Variants in SIRT4 observed in about 807,000 individuals in gnomAD.
SIRT4 encodes the protein NAD-dependent protein lipoamidase sirtuin-4, mitochondrial.
Under a neutral mutation model 26.1 loss-of-function variants are expected in SIRT4, and 23 were observed. The ratio of observed to expected loss-of-function variants is 0.88; its 90% CI spans 0.63 to 1.25. The LOEUF (loss-of-function observed/expected upper bound fraction) is 1.25, where lower values mean the gene tolerates loss of function less well. Among genes scored for constraint, SIRT4 ranks in the 50% most tolerant of loss-of-function variants. SIRT4 has a pLI of 0.00. For missense variants in SIRT4, 361 were observed against 405.4 expected, an observed-to-expected ratio of 0.89 and a Z score of 0.94; for synonymous variants, 155 against 158.4, an observed-to-expected ratio of 0.98 and a Z score of 0.16.
chr12:120,298,123 G>A (rs1199384423), upstream of SIRT4, among the ~76,000 whole-genome samples: 11 of 149,104 alleles, frequency 7.4e-5, no homozygotes, highest in Admixed American at 2.0e-4. Context: ...TTGAACCCGG[G>A]AGGCGGAGGT....
intron 2 of SIRT4, among the ~76,000 whole-genome samples, chr12:120,311,048 T>TA (rs761606021): frequency 0.017 from 1,177 of 69,302 alleles, 61 homozygotes; most frequent in East Asian, 0.05. Context: ...CCCTGTCTCT[T>TA]AAAAAAAAAA....
At chr12:120,299,147 G>A (rs1872452088), upstream of SIRT4, among the ~76,000 whole-genome samples, 2 of 150,954 alleles carry the variant, frequency 1.3e-5, no homozygotes, top group Admixed American at 6.6e-5. Context: ...CGTGAACCCG[G>A]GAGGCGGAGC....
intron 2 of SIRT4, among the ~76,000 whole-genome samples, chr12:120,310,196 G>A (rs1050582026): frequency 3.3e-5 from 5 of 151,656 alleles, no homozygotes; most frequent in South Asian, 4.2e-4. Context: ...TTGGGAGGCC[G>A]AGGTGGGCAG....
At chr12:120,311,048 TAA>T (rs761606021) in intron 2 of SIRT4, among the ~76,000 whole-genome samples, 533 of 69,278 alleles carry the variant, frequency 7.7e-3, no homozygotes, top group East Asian at 0.014. Context: ...CCCTGTCTCT[TAA>T]AAAAAAAAAA....
Position 120,312,979 on chromosome 12 carries a change from GT to G in SIRT4, c.889del (p.Cys297ValfsTer2), listed in dbSNP as rs1565873386. 1.2e-6 allele frequency: 2 copies of G among 1,614,158 alleles called. No individual in the cohort carries two copies. The highest frequency in any genetic ancestry group is 2.2e-5 in the South Asian group (2 of 91,080). On this transcript the variant is annotated frameshift_variant, in exon 4 of 4. Transcript: ENST00000202967. LOFTEE classifies it high-confidence loss of function. The part of the protein sequence containing the change: ...IGPTRSDDLA[C>X]LKLNSRCGEL... ...GGCCCACACGGTCGGATGACTTGGC[GT>G]GTCTGAAACTGAATTCTCGTTGTGG...
the SIRT4 span, among the ~76,000 whole-genome samples, chr12:120,294,046 C>T: frequency 9.8e-5 from 9 of 91,454 alleles, no homozygotes; most frequent in African/African-American, 3.7e-4. Context: ...TCTTGTTGCC[C>T]AGGCTGGAGT....
the SIRT4 span, among the ~76,000 whole-genome samples, chr12:120,292,795 A>T: frequency 6.6e-6 from 1 of 151,786 alleles, no homozygotes; most frequent in Admixed American, 6.6e-5. Context: ...CCTGAGCGAC[A>T]GACTTCGTCT....
the SIRT4 span, among the ~76,000 whole-genome samples, chr12:120,293,579 TTGTC>T: frequency 6.6e-6 from 1 of 152,200 alleles, no homozygotes; most frequent in African/African-American, 2.4e-5. Context: ...GATTATTGTT[TTGTC>T]TTTTTTCTTT....
At chr12:120,310,433 T>G (rs879826024) in intron 2 of SIRT4, among the ~76,000 whole-genome samples, 1 of 152,074 alleles carries the variant, frequency 6.6e-6, no homozygotes, top group Non-Finnish European at 1.5e-5. Context: ...CCCAGACTGG[T>G]CTGGAACTCC....
At chr12:120,292,933 A>G in the SIRT4 span, among the ~76,000 whole-genome samples, 1 of 152,176 alleles carries the variant, frequency 6.6e-6, no homozygotes, top group Admixed American at 6.6e-5. Flanking sequence ...AACGCAAATC[A>G]CTAAAACAGG....
intron 2 of SIRT4, among the ~76,000 whole-genome samples, chr12:120,305,999 G>A (rs1052295229): frequency 2.6e-4 from 39 of 148,932 alleles, no homozygotes; most frequent in African/African-American, 9.6e-4. Flanking sequence ...GTGACAGAGC[G>A]AGACTCCGTC....
rs1179805676 is a variant in SIRT4 at position 120,312,540 on chromosome 12, T to C, written c.582T>C (p.Ala194=). Residue 194 remains alanine (A), a synonymous_variant, in exon 3 of 4, where the codon GCT becomes GCC. Coordinates refer to ENST00000202967, the MANE Select transcript of SIRT4 (RefSeq NM_012240.3). Reference sequence around the variant, plus strand: ...AAGTCCTGAACCCCACCTGGAGTGCTGAGGCCCATGGCCTGGCTCCTGATG... The same window carrying C: ...AAGTCCTGAACCCCACCTGGAGTGCCGAGGCCCATGGCCTGGCTCCTGATG... ...RFQVLNPTWS[A]EAHGLAPDGD... is the part of the protein sequence containing the mutation. The C allele has an allele frequency of 6.2e-7, 1 of 1,614,028 alleles. No individual in the cohort carries two copies. Among genetic ancestry groups the C allele is most frequent in the Non-Finnish European group, 8.5e-7 (1 of 1,180,036 alleles).
the SIRT4 span, chr12:120,293,118 A>C: frequency 6.6e-6 from 1 of 152,104 alleles, no homozygotes; most frequent in Non-Finnish European, 1.5e-5. Context: ...ACTGTCAAAA[A>C]TTGCCAGTGC....
At chr12:120,304,822 TA>T (rs1872679705) in intron 2 of SIRT4, among the ~76,000 whole-genome samples, 1 of 35,640 alleles carries the variant, frequency 2.8e-5, no homozygotes, top group African/African-American at 1.8e-4. Flanking sequence ...TATATATATA[TA>T]TATATATATA....
the SIRT4 span, among the ~76,000 whole-genome samples, chr12:120,292,541 G>A: frequency 1.3e-5 from 2 of 152,234 alleles, no homozygotes; most frequent in Non-Finnish European, 2.9e-5. Context: ...GCGGCAGTTT[G>A]CAGCGAGCCG....
upstream of SIRT4, among the ~76,000 whole-genome samples, chr12:120,298,540 A>C (rs548142390): frequency 1.4e-4 from 22 of 151,916 alleles, no homozygotes; most frequent in Non-Finnish European, 3.2e-4. Context: ...TGTAGTGCGC[A>C]GTGATCGTGC....
At chr12:120,312,777 C>T (rs2136846163) in intron 3 of SIRT4, 27 bp downstream of exon 3, 1 of 1,607,196 alleles carries the variant, frequency 6.2e-7, no homozygotes, top group Non-Finnish European at 8.5e-7. Context: ...GAGTGGTAAC[C>T]ACCCCTTGTG....
Position 120,312,596 on chromosome 12 carries a change from G to A in SIRT4, c.638G>A (p.Arg213Gln), listed in dbSNP as rs776853657. 48 of 1,614,034 alleles carry A rather than the reference G, an allele frequency of 3.0e-5. No individual in the cohort carries two copies. Among genetic ancestry groups the A allele is most frequent in the East Asian group, 1.8e-4 (8 of 44,892 alleles). ...GDVFLSEEQV[R>Q]SFQVPTCVQC... ...GTCTTTCTCTCAGAGGAGCAAGTCCGGAGCTTTCAGGTCCCAACCTGCGTT... is the reference window on the plus strand; with the variant it reads ...GTCTTTCTCTCAGAGGAGCAAGTCCAGAGCTTTCAGGTCCCAACCTGCGTT... The change falls in exon 3 of 4, where the codon CGG becomes CAG. Residue 213 changes from arginine to glutamine, a missense_variant. Transcript: ENST00000202967.
the SIRT4 span, among the ~76,000 whole-genome samples, chr12:120,292,687 A>G: frequency 2.0e-5 from 3 of 151,438 alleles, no homozygotes; most frequent in African/African-American, 7.3e-5. Context: ...AAAAGTAGAG[A>G]TCACAAAATC....
Sources: allele counts gnomAD v4.1 joint callset (sites outside exome capture counted in the v4.1 genomes callset), GRCh38; gene constraint gnomAD v4.1.1; transcripts MANE v1.5; gene names NCBI Gene and HGNC (gene_info 2026-07-23, HGNC 2026-07-21).